BMAL1: variants seen among roughly 807,000 people sequenced by gnomAD.
BMAL1 encodes basic helix-loop-helix ARNT-like protein 1.
chr11:13,278,512 G>A, the BMAL1 span, among the ~76,000 whole-genome samples: 2 of 152,194 alleles, frequency 1.3e-5, no homozygotes, highest in Non-Finnish European at 1.5e-5. Context: ...CGGGGAGGGC[G>A]TCTCCGTCGG....
At chr11:13,351,392 T>A in the BMAL1 span, among the ~76,000 whole-genome samples, 1 of 149,412 alleles carries the variant, frequency 6.7e-6, no homozygotes. Context: ...GAGATAGAGT[T>A]TTGGTTATGG....
the BMAL1 span, among the ~76,000 whole-genome samples, chr11:13,369,336 A>G: frequency 1.3e-5 from 2 of 152,288 alleles, no homozygotes; most frequent in Non-Finnish European, 2.9e-5. Context: ...TGTTAGCCAT[A>G]AGCGTCTATT....
the BMAL1 span, chr11:13,385,550 C>T: frequency 3.2e-6 from 2 of 618,922 alleles, no homozygotes; most frequent in East Asian, 2.8e-5. Flanking sequence ...GTCTGTCTAA[C>T]AGTTCCTTGT....
chr11:13,369,809 G>T, the BMAL1 span: 1 of 1,590,474 alleles, frequency 6.3e-7, no homozygotes, highest in Non-Finnish European at 8.5e-7. Flanking sequence ...GACAGGTGAA[G>T]CATGCTTTCT....
the BMAL1 span, among the ~76,000 whole-genome samples, chr11:13,339,978 T>G: frequency 6.6e-6 from 1 of 152,214 alleles, no homozygotes; most frequent in Non-Finnish European, 1.5e-5. Context: ...GTTGAGAGAC[T>G]AATAAGTGAT....
chr11:13,377,164 C>T, the BMAL1 span, among the ~76,000 whole-genome samples: 2 of 152,290 alleles, frequency 1.3e-5, no homozygotes, highest in Middle Eastern at 3.4e-3. Flanking sequence ...CTGCTGTCCA[C>T]GCTGGACTCA....
At chr11:13,370,031 C>A in the BMAL1 span, among the ~76,000 whole-genome samples, 2 of 152,330 alleles carry the variant, frequency 1.3e-5, no homozygotes, top group South Asian at 4.1e-4. Flanking sequence ...GAAGAATACT[C>A]TCAGCCACAA....
the BMAL1 span, among the ~76,000 whole-genome samples, chr11:13,329,221 A>G: frequency 1.3e-5 from 2 of 152,220 alleles, no homozygotes; most frequent in Non-Finnish European, 1.5e-5. Context: ...TCGGATGGCC[A>G]GCAGAACCCT....
chr11:13,369,558 T>TC, the BMAL1 span: 21 of 1,594,352 alleles, frequency 1.3e-5, no homozygotes, highest in South Asian at 1.9e-4. Flanking sequence ...AAGGTCACAC[T>TC]CCCCCTCCTG....
the BMAL1 span, among the ~76,000 whole-genome samples, chr11:13,300,177 G>A: frequency 6.6e-6 from 1 of 152,230 alleles, no homozygotes; most frequent in African/African-American, 2.4e-5. Context: ...ATCTAAAATG[G>A]CCGTATAATA....
chr11:13,362,056 G>A, the BMAL1 span, among the ~76,000 whole-genome samples: 1 of 152,180 alleles, frequency 6.6e-6, no homozygotes, highest in East Asian at 1.9e-4. Flanking sequence ...AAGAGAGAAG[G>A]GGCCTGGGAA....
the BMAL1 span, chr11:13,365,397 T>C: frequency 1.0e-5 from 10 of 996,012 alleles, no homozygotes; most frequent in Admixed American, 1.7e-4. Flanking sequence ...AGTGTTCCTG[T>C]GCTTTGGATG....
At chr11:13,280,228 T>A in the BMAL1 span, among the ~76,000 whole-genome samples, 1 of 152,260 alleles carries the variant, frequency 6.6e-6, no homozygotes, top group Admixed American at 6.5e-5. Context: ...TTCAAATGAT[T>A]TATAAAATGA....
chr11:13,330,939 G>A, the BMAL1 span, among the ~76,000 whole-genome samples: 1 of 152,204 alleles, frequency 6.6e-6, no homozygotes, highest in African/African-American at 2.4e-5. Context: ...GTGTACTAGA[G>A]CTACAAGGTG....
chr11:13,284,222 ATATATGTGTGTG>A, the BMAL1 span, among the ~76,000 whole-genome samples: 3 of 13,110 alleles, frequency 2.3e-4, no homozygotes, highest in Admixed American at 1.4e-3. Context: ...GTATATATAT[ATATATGTGTGTG>A]TATATATATA....
the BMAL1 span, among the ~76,000 whole-genome samples, chr11:13,364,971 A>G: frequency 5.6e-4 from 85 of 152,236 alleles, no homozygotes; most frequent in African/African-American, 2.0e-3. Flanking sequence ...ATGCCAGACC[A>G]TCAGCATAAA....
chr11:13,325,477 C>G, the BMAL1 span, among the ~76,000 whole-genome samples: 1 of 151,552 alleles, frequency 6.6e-6, no homozygotes, highest in Non-Finnish European at 1.5e-5. Context: ...TAAAGAATAC[C>G]TAGACTGTGC....
chr11:13,345,581 G>T, the BMAL1 span, among the ~76,000 whole-genome samples: 1 of 152,106 alleles, frequency 6.6e-6, no homozygotes, highest in African/African-American at 2.4e-5. Context: ...ATTATACTTT[G>T]GGGGGTGGTT....
the BMAL1 span, among the ~76,000 whole-genome samples, chr11:13,295,414 CA>C: frequency 3.3e-4 from 50 of 152,226 alleles, 2 homozygotes; most frequent in African/African-American, 1.2e-3. Flanking sequence ...GAGGAGGTTA[CA>C]GGTGCCTGTT....
Sources: allele counts gnomAD v4.1 joint callset (sites outside exome capture counted in the v4.1 genomes callset), GRCh38; gene constraint gnomAD v4.1.1; transcripts MANE v1.5; gene names NCBI Gene and HGNC (gene_info 2026-07-23, HGNC 2026-07-21).